Variants in MINK1 observed in about 807,000 individuals in gnomAD.
MINK1 encodes misshapen-like kinase 1.
Under a neutral mutation model 178.4 loss-of-function variants are expected in MINK1, and 46 were observed. That is an observed-to-expected ratio of 0.26 (90% CI 0.20 to 0.33). MINK1 has a LOEUF of 0.33. Among genes scored for constraint, MINK1 ranks in the 10% least tolerant of loss-of-function variants. The pLI, the probability that MINK1 is intolerant of heterozygous loss-of-function variation, is 1.00. For missense variants in MINK1, 1,366 were observed against 1,814.9 expected (o/e 0.75, Z 4.49); for synonymous variants, 797 against 709.7 (o/e 1.12, Z -1.96).
chr17:4,834,693 A>G (rs1005170109), intron 1 of MINK1: 2 of 514,422 alleles, frequency 3.9e-6, no homozygotes, highest in East Asian at 1.1e-4. Flanking sequence ...ACTCCAGACT[A>G]TCAGCCAGGT....
Position 4,847,752 on chromosome 17 carries a change from G to A in MINK1, c.57+14112G>A, listed in dbSNP as rs114792957. On this transcript the variant is annotated intron_variant, in intron 1 of 31. Coordinates refer to ENST00000355280, the MANE Select transcript of MINK1 (RefSeq NM_153827.5). ...AACGGGGGGTGCCAGTGGCCAGGGC[G>A]GGTGGTGTCTCAGAGCTGGTCTCGG... Among the ~76,000 whole-genome samples the A allele has an allele frequency of 3.9e-3, 599 of 152,274 alleles. 8 individuals are homozygous for A. Among genetic ancestry groups the A allele is most frequent in the African/African-American group, 0.014 (562 of 41,554 alleles).
rs1489953941 is a variant in MINK1 at position 4,895,046 on chromosome 17, C to T, written c.2918-29C>T. ...GAGATGGGGTGAGAAGCTGCAGCCC[C>T]TCCTCCCACCTCCTCCTCCTTCTGG... On this transcript the variant is annotated intron_variant, in intron 24 of 31. Coordinates refer to ENST00000355280, the MANE Select transcript of MINK1 (RefSeq NM_153827.5). This position sits in a 1 kb window ranked among gnomAD's most constrained non-coding sequence, Gnocchi z 4.3. 3.1e-6 allele frequency: 5 copies of T among 1,610,610 alleles called. No homozygotes were observed. The highest frequency in any genetic ancestry group is 1.7e-5 in the Admixed American group (1 of 59,900).
chr17:4,859,945 C>T lies in MINK1; in HGVS notation c.58-18372C>T, dbSNP rs550034543. Among the ~76,000 whole-genome samples the T allele has an allele frequency of 1.7e-4, 25 of 150,648 alleles. No individual in the cohort carries two copies. The East Asian group carries it at 3.3e-3, about 20-fold the overall frequency. On this transcript the variant is annotated intron_variant, in intron 1 of 31. Coordinates refer to ENST00000355280, the MANE Select transcript of MINK1 (RefSeq NM_153827.5). ...AGGAACTACTTTCCGCATGCGGAGC[C>T]GGGTACAGAGGGAAGGGGCGCGTCC...
intron 12 of MINK1, 83 bp from the exon 13 acceptor site, chr17:4,889,564 A>G: frequency 8.5e-7 from 1 of 1,178,672 alleles, no homozygotes; most frequent in Non-Finnish European, 1.2e-6. Flanking sequence ...GTGAGCAAGG[A>G]GGGCTCCCCT....
chr17:4,854,945 G>A (rs962859391), intron 1 of MINK1, among the ~76,000 whole-genome samples: 3 of 152,114 alleles, frequency 2.0e-5, no homozygotes, highest in Non-Finnish European at 2.9e-5. Context: ...GGTGGCTCCC[G>A]CCTATAGTCC....
At chr17:4,866,836 G>T (rs570284904) in intron 1 of MINK1, among the ~76,000 whole-genome samples, 1 of 152,046 alleles carries the variant, frequency 6.6e-6, no homozygotes, top group African/African-American at 2.4e-5. Flanking sequence ...CACTTCGGGA[G>T]GCCGAGGCAG....
Position 4,895,160 on chromosome 17 carries a change from C to T in MINK1, c.3003C>T (p.Asn1001=), listed in dbSNP as rs1969321912. 2 of 1,614,100 alleles carry T rather than the reference C, an allele frequency of 1.2e-6. No homozygotes were observed. Among genetic ancestry groups the T allele is most frequent in the Non-Finnish European group, 1.7e-6 (2 of 1,180,026 alleles). Reference sequence around the variant, plus strand: ...CTGTGGTCAACGTGAATCCCACCAACACCCGGGCCCACAGTGAGACCCCTG... The same window carrying T: ...CTGTGGTCAACGTGAATCCCACCAATACCCGGGCCCACAGTGAGACCCCTG... ...KGSVVNVNPT[N]TRAHSETPEI... The change falls in exon 25 of 32, where the codon AAC becomes AAT. Residue 1001 remains asparagine (N), a synonymous_variant. Transcript: ENST00000355280. The surrounding 1 kb of genome is among the most constrained non-coding windows in gnomAD (Gnocchi z 4.3).
intron 1 of MINK1, among the ~76,000 whole-genome samples, chr17:4,854,605 A>G (rs1011404242): frequency 1.3e-5 from 2 of 152,210 alleles, no homozygotes; most frequent in Admixed American, 6.5e-5. Context: ...TCCCTCTGGC[A>G]TAGAGATCCA....
At chr17:4,893,304 G>A (rs1404271704) in intron 20 of MINK1, 130 bp from the exon 21 acceptor site, 10 of 1,613,824 alleles carry the variant, frequency 6.2e-6, no homozygotes, top group South Asian at 1.1e-5. Flanking sequence ...GCGAGCAATT[G>A]GTGAGGTTAG....
chr17:4,855,432 G>A (rs1912894569), intron 1 of MINK1, among the ~76,000 whole-genome samples: 2 of 143,826 alleles, frequency 1.4e-5, no homozygotes, highest in Non-Finnish European at 3.0e-5. Context: ...CTTGCAGTGA[G>A]CTGAGATTGT....
chr17:4,887,882 C>A lies in MINK1; in HGVS notation c.1230+92C>A. 1 of 1,002,540 alleles carries A rather than the reference C, an allele frequency of 1.0e-6. No homozygotes were observed. The highest frequency in any genetic ancestry group is 1.7e-5 in the African/African-American group (1 of 60,094). The allele number at this position is 1,002,540 out of a possible 1,614,324, so 62.1% of individuals were successfully genotyped here. A position where few individuals can be genotyped will look rare whatever the true frequency, so the allele number is the denominator to read the frequency against. On this transcript the variant is annotated intron_variant, in intron 12 of 31. Transcript: ENST00000355280. This position sits in a 1 kb window ranked among gnomAD's most constrained non-coding sequence, Gnocchi z 7.6. ...GCCTTGGAGAACAGGTTTTAAAATGCCTTAAATGAATGGCATTTCTGTTGA... is the reference window on the plus strand; with the variant it reads ...GCCTTGGAGAACAGGTTTTAAAATGACTTAAATGAATGGCATTTCTGTTGA...
At chr17:4,847,758 TGTCTCAGAGCTG>T (rs1911263800) in intron 1 of MINK1, among the ~76,000 whole-genome samples, 2 of 152,024 alleles carry the variant, frequency 1.3e-5, no homozygotes, top group African/African-American at 4.8e-5. Context: ...GGGCGGGTGG[TGTCTCAGAGCTG>T]GTCTCGGAAA....
In MINK1 at chr17:4,894,750, G is replaced by C. The variant is rs1969264325; in HGVS notation, c.2917+117G>C. Reference sequence around the variant, plus strand: ...CATAGCCACAGGACCTCTCCCTTGGGCCCTAGCACCTGCCTGGGCACAGAG... The same window carrying C: ...CATAGCCACAGGACCTCTCCCTTGGCCCCTAGCACCTGCCTGGGCACAGAG... On this transcript the variant is annotated intron_variant, in intron 24 of 31. Transcript: ENST00000355280. This position sits in a 1 kb window ranked among gnomAD's most constrained non-coding sequence, Gnocchi z 4.1. 6.2e-6 allele frequency: 5 copies of C among 807,614 alleles called. No individual in the cohort carries two copies. Among genetic ancestry groups the C allele is most frequent in the Non-Finnish European group, 1.0e-5 (5 of 494,018 alleles). 50.0% of individuals were successfully genotyped at this position (807,614 alleles called of 1,614,324 possible). A position where few individuals can be genotyped will look rare whatever the true frequency, so the allele number is the denominator to read the frequency against.
intron 1 of MINK1, among the ~76,000 whole-genome samples, chr17:4,837,665 A>G (rs1380042199): frequency 6.6e-6 from 1 of 152,232 alleles, no homozygotes; most frequent in Non-Finnish European, 1.5e-5. Context: ...AGGAGGGGGC[A>G]GGCCCCGGCC....
intron 1 of MINK1, among the ~76,000 whole-genome samples, chr17:4,855,205 G>A (rs2150839604): frequency 8.3e-6 from 1 of 120,558 alleles, no homozygotes; most frequent in Non-Finnish European, 1.9e-5. Flanking sequence ...AAAAAAAAAA[G>A]GCCAGGCATG....
At chr17:4,875,576 C>T (rs1032236376) in intron 1 of MINK1, 2 of 430,880 alleles carry the variant, frequency 4.6e-6, no homozygotes, top group Admixed American at 5.2e-5. Flanking sequence ...AGTTTGAGAC[C>T]AGTCTGACCA....
intron 31 of MINK1, 159 bp from the exon 32 acceptor site, chr17:4,897,045 C>T (rs962027444): frequency 2.6e-4 from 225 of 861,368 alleles, no homozygotes; most frequent in Non-Finnish European, 3.4e-4. Flanking sequence ...AACATCCCAG[C>T]CTGCCTTTCC....
At position 4,886,269 on chromosome 17, in the gene MINK1, C is replaced by G. The variant is rs1330634319; in HGVS notation, c.773+71C>G. The G allele has an allele frequency of 1.9e-6, 3 of 1,565,910 alleles. No individual in the cohort carries two copies. Among genetic ancestry groups the G allele is most frequent in the African/African-American group, 1.4e-5 (1 of 73,816 alleles). On this transcript the variant is annotated intron_variant, in intron 9 of 31. Transcript: ENST00000355280. This position sits in a 1 kb window ranked among gnomAD's most constrained non-coding sequence, Gnocchi z 6.1. ...AAGGCCATCCCCACCTTCATGCCCT[C>G]TGTGCTCAGGCTTGGATCTCACCAG... is the stretch of plus-strand genomic sequence containing the variant.
Position 4,887,825 on chromosome 17 carries a change from GCCT to G in MINK1, c.1230+42_1230+44del. 2 of 1,445,782 alleles carry G rather than the reference GCCT, an allele frequency of 1.4e-6. No individual in the cohort carries two copies. Among genetic ancestry groups the G allele is most frequent in the Non-Finnish European group, 1.8e-6 (2 of 1,098,224 alleles). The allele number at this position is 1,445,782 out of a possible 1,614,324, so 89.6% of individuals were successfully genotyped here. ...CTCCGAAGGGCCCAGGCCTGGCGCGGCCTCCTCCTGACCTGCCCCGGGTCCATT... is the reference window on the plus strand; with the variant it reads ...CTCCGAAGGGCCCAGGCCTGGCGCGGCCTCCTGACCTGCCCCGGGTCCATT... On this transcript the variant is annotated intron_variant, in intron 12 of 31. Coordinates refer to ENST00000355280, the MANE Select transcript of MINK1 (RefSeq NM_153827.5). This position sits in a 1 kb window ranked among gnomAD's most constrained non-coding sequence, Gnocchi z 7.6.
Sources: gnomAD v4.1 joint callset for allele counts (sites outside exome capture counted in the v4.1 genomes callset) on GRCh38, gnomAD v4.1.1 for gene constraint, Gnocchi (gnomAD v3.1) non-coding constraint, MANE v1.5 for transcripts, NCBI Gene and HGNC (gene_info 2026-07-23, HGNC 2026-07-21) for gene names.